The following DTD1 variants were observed in gnomAD, a reference collection of about 807,000 sequenced individuals.
The protein encoded by DTD1 is D-tyrosyl-tRNA deacylase 1 homolog.
A neutral mutation model predicts 25.6 loss-of-function variants in DTD1; 13 were observed. That is an observed-to-expected ratio of 0.51 (90% CI 0.33 to 0.81). The LOEUF (loss-of-function observed/expected upper bound fraction) is 0.81. Ranked by LOEUF, DTD1 falls within the 30% of genes least tolerant of loss-of-function variation. The probability of loss-of-function intolerance (pLI) is 0.02; values close to 1 mark genes in which losing one functional copy is unlikely to be tolerated. For missense variants in DTD1, 193 were observed against 266.4 expected (o/e 0.72, Z 1.92); for synonymous variants, 110 against 103.6 (o/e 1.06, Z -0.37).
At chr20:18,632,618 C>T (rs571594950) in intron 4 of DTD1, 3 of 984,494 alleles carry the variant, frequency 3.0e-6, no homozygotes, top group East Asian at 1.1e-4. Context: ...TTTATTTTTC[C>T]ATTATATTCC....
At position 18,712,149 on chromosome 20, in the gene DTD1, A is replaced by T. The variant is rs569961489; in HGVS notation, c.478-31951A>T. Among the ~76,000 whole-genome samples the T allele has an allele frequency of 5.9e-5, 9 of 151,968 alleles. No individual in the cohort carries two copies. In the South Asian group the frequency reaches 1.9e-3, roughly 32 times the overall value. On this transcript the variant is annotated intron_variant, in intron 4 of 5. Coordinates refer to ENST00000377452, the MANE Select transcript of DTD1 (RefSeq NM_080820.6). Reference sequence around the variant, plus strand: ...TTCTGCATGGGTTTTTCCTTAGAGTACTTAGGGACTCTAGTGTTCAGTGGC... The same window carrying T: ...TTCTGCATGGGTTTTTCCTTAGAGTTCTTAGGGACTCTAGTGTTCAGTGGC...
At chr20:18,671,687 T>C (rs1238142026) in intron 4 of DTD1, among the ~76,000 whole-genome samples, 12 of 152,242 alleles carry the variant, frequency 7.9e-5, no homozygotes, top group Non-Finnish European at 1.5e-5. Flanking sequence ...GCTTAATTTC[T>C]GATGACTTCC....
At chr20:18,730,427 A>G (rs1256163139) in intron 4 of DTD1, among the ~76,000 whole-genome samples, 1 of 152,236 alleles carries the variant, frequency 6.6e-6, no homozygotes. Flanking sequence ...TATCACCAAC[A>G]TAAAATATTC....
chr20:18,760,902 C>T (rs6081358), intron 5 of DTD1, among the ~76,000 whole-genome samples: 20,083 of 152,204 alleles, frequency 0.13, 1,651 homozygotes, highest in Non-Finnish European at 0.18. Context: ...GCTTCCCGGC[C>T]GCTTTGTTTG....
At chr20:18,631,867 T>A (rs911531903) in intron 4 of DTD1, 1 of 985,382 alleles carries the variant, frequency 1.0e-6, no homozygotes, top group Non-Finnish European at 1.2e-6. Context: ...AATAGTACAT[T>A]TTGCCTTTAG....
chr20:18,746,955 C>T (rs887422687), intron 5 of DTD1, among the ~76,000 whole-genome samples: 4 of 152,118 alleles, frequency 2.6e-5, no homozygotes, highest in Non-Finnish European at 5.9e-5. Flanking sequence ...ATGTATCTCA[C>T]GTATGCATGG....
At chr20:18,671,077 C>A (rs1295079910) in intron 4 of DTD1, among the ~76,000 whole-genome samples, 1 of 152,140 alleles carries the variant, frequency 6.6e-6, no homozygotes, top group East Asian at 1.9e-4. Context: ...TGTGCACATG[C>A]CCTGGAATCT....
At chr20:18,741,397 C>T (rs1269263875) in intron 4 of DTD1, among the ~76,000 whole-genome samples, 1 of 152,226 alleles carries the variant, frequency 6.6e-6, no homozygotes, top group Non-Finnish European at 1.5e-5. Flanking sequence ...GAGCATCTTA[C>T]TGTTGCTGGT....
Position 18,763,756 on chromosome 20 carries a change from T to C in DTD1, c.*416T>C, listed in dbSNP as rs1196098134. 1.3e-5 allele frequency: 2 copies of C among 152,352 alleles called. No individual in the cohort carries two copies. The highest frequency in any genetic ancestry group is 2.9e-5 in the Non-Finnish European group (2 of 68,048). The allele number at this position is 152,352 out of a possible 1,614,324, so 9.4% of individuals were successfully genotyped here. A position where few individuals can be genotyped will look rare whatever the true frequency, so the allele number is the denominator to read the frequency against. On this transcript the variant is annotated 3_prime_UTR_variant, in exon 6 of 6. Transcript: ENST00000377452. The stretch of plus-strand genomic sequence containing the variant: ...TTCTCCAATACACTCACACTGTCCA[T>C]GTTCTTTTTATTGCCAGGGCCCGTG...
chr20:18,755,276 A>AT lies in DTD1; in HGVS notation c.*20-8077dup, dbSNP rs564467902. 3.6e-3 allele frequency among the ~76,000 whole-genome samples: 545 copies of AT among 152,108 alleles called. 2 individuals carry two copies. Among genetic ancestry groups the AT allele is most frequent in the African/African-American group, 0.012 (500 of 41,502 alleles). On this transcript the variant is annotated intron_variant, in intron 5 of 5. Transcript: ENST00000377452. ...ACCTTATCATTCTATGATTATTATT[A>AT]TTTTTTTATTATACTTTAAGTTTTA... is the stretch of plus-strand genomic sequence containing the variant.
At chr20:18,758,008 A>G (rs1231894041) in intron 5 of DTD1, among the ~76,000 whole-genome samples, 2 of 152,234 alleles carry the variant, frequency 1.3e-5, no homozygotes, top group South Asian at 2.1e-4. Flanking sequence ...GGGAGGGTGT[A>G]TGTGTCGAGG....
chr20:18,716,867 C>T (rs7271981), intron 4 of DTD1, among the ~76,000 whole-genome samples: 52,885 of 152,094 alleles, frequency 0.35, 9,524 homozygotes, highest in Non-Finnish European at 0.4. Flanking sequence ...TTTTCTTGCA[C>T]AGCTGCAACA....
chr20:18,743,208 T>C (rs2122519619), intron 4 of DTD1, among the ~76,000 whole-genome samples: 1 of 152,340 alleles, frequency 6.6e-6, no homozygotes, highest in Non-Finnish European at 1.5e-5. Flanking sequence ...TGTCCCCTGC[T>C]GGCCTGGTGG....
intron 4 of DTD1, among the ~76,000 whole-genome samples, chr20:18,636,947 GT>G (rs1294095066): frequency 1.3e-5 from 2 of 152,212 alleles, no homozygotes; most frequent in African/African-American, 4.8e-5. Context: ...GCCCACCCAG[GT>G]TTTCTGAGCC....
At chr20:18,708,243 TA>T (rs376860129) in intron 4 of DTD1, among the ~76,000 whole-genome samples, 10,560 of 19,644 alleles carry the variant, frequency 0.54, 1,874 homozygotes, top group East Asian at 0.61. Flanking sequence ...TATATATATA[TA>T]ATATATATTA....
At chr20:18,619,703 G>A (rs1439581275) in intron 3 of DTD1, among the ~76,000 whole-genome samples, 1 of 152,148 alleles carries the variant, frequency 6.6e-6, no homozygotes. Context: ...GGGATTACAG[G>A]GGTGAGCCAC....
intron 4 of DTD1, among the ~76,000 whole-genome samples, chr20:18,713,617 T>A (rs1381984827): frequency 6.6e-6 from 1 of 152,210 alleles, no homozygotes; most frequent in Non-Finnish European, 1.5e-5. Flanking sequence ...CTTCTGACCG[T>A]ATCCTCCGTT....
chr20:18,623,809 T>C (rs1407387278), intron 3 of DTD1, among the ~76,000 whole-genome samples: 1 of 152,022 alleles, frequency 6.6e-6, no homozygotes, highest in Admixed American at 6.6e-5. Flanking sequence ...AATAACATAC[T>C]TTTAAGTTAG....
rs1411249263 is a variant in DTD1, at chr20:18,738,382, ATGAGGGTGGCTTATAACG to A, written c.478-5704_478-5687del. Among the ~76,000 whole-genome samples the A allele has an allele frequency of 3.9e-5, 6 of 152,294 alleles. No homozygotes were observed. The South Asian group carries it at 1.0e-3, about 26-fold the overall frequency. ...TCAACTTCAAGTGCCACAAACCTACATGAGGGTGGCTTATAACGTGAGGGTGGCTTAAACAGTAAGGAG... is the reference window on the plus strand; with the variant it reads ...TCAACTTCAAGTGCCACAAACCTACATGAGGGTGGCTTAAACAGTAAGGAG... On this transcript the variant is annotated intron_variant, in intron 4 of 5. Transcript: ENST00000377452.
Sources: gnomAD v4.1 joint callset for allele counts (sites outside exome capture counted in the v4.1 genomes callset) on GRCh38, gnomAD v4.1.1 for gene constraint, MANE v1.5 for transcripts, NCBI Gene and HGNC (gene_info 2026-07-23, HGNC 2026-07-21) for gene names.